Variants in DOCK1 observed in about 807,000 individuals in gnomAD.
DOCK1 encodes dedicator of cytokinesis protein 1.
Under a neutral mutation model 262.7 loss-of-function variants are expected in DOCK1, and 138 were observed. The ratio of observed to expected loss-of-function variants is 0.53; its 90% CI spans 0.46 to 0.61. The LOEUF is 0.61. Ranked by LOEUF, DOCK1 falls within the 20% of genes least tolerant of loss-of-function variation. DOCK1 has a pLI of 0.00. For missense variants in DOCK1, 1,908 were observed against 2,370.7 expected, an observed-to-expected ratio of 0.80 and a Z score of 4.05; for synonymous variants, 866 against 867.4, an observed-to-expected ratio of 1.00 and a Z score of 0.03.
intron 49 of DOCK1, 33 bp from the exon 50 acceptor site, chr10:127,444,093 C>G: frequency 6.4e-7 from 1 of 1,550,824 alleles, no homozygotes; most frequent in Non-Finnish European, 8.7e-7. Flanking sequence ...CATAACAGAC[C>G]GTAACTGTGC....
chr10:127,091,225 C>T (rs1441257600), intron 23 of DOCK1, among the ~76,000 whole-genome samples: 1 of 152,090 alleles, frequency 6.6e-6, no homozygotes, highest in Non-Finnish European at 1.5e-5. Context: ...CCTCGCGATC[C>T]GCCCGACTTG....
intron 38 of DOCK1, among the ~76,000 whole-genome samples, chr10:127,396,806 C>T (rs904570223): frequency 1.3e-5 from 2 of 151,608 alleles, no homozygotes; most frequent in Non-Finnish European, 2.9e-5. Flanking sequence ...ATTACAAGCT[C>T]AGTGAGTAGT....
intron 27 of DOCK1, among the ~76,000 whole-genome samples, chr10:127,242,349 C>T (rs1270402228): frequency 6.6e-6 from 1 of 152,076 alleles, no homozygotes. Context: ...TTTTTGGACT[C>T]CCTGTTTTTC....
chr10:127,058,357 T>A (rs2045307811), intron 22 of DOCK1, among the ~76,000 whole-genome samples: 1 of 149,596 alleles, frequency 6.7e-6, no homozygotes, highest in Non-Finnish European at 1.5e-5. Context: ...AGTATTTGCA[T>A]GGAATACCTA....
intron 42 of DOCK1, among the ~76,000 whole-genome samples, chr10:127,410,385 C>A (rs1051464998): frequency 6.6e-6 from 1 of 152,178 alleles, no homozygotes; most frequent in Admixed American, 6.5e-5. Context: ...CCTGTGCATG[C>A]GGAAAGCCTG....
At chr10:127,039,010 C>T (rs1164471225) in intron 19 of DOCK1, among the ~76,000 whole-genome samples, 1 of 152,178 alleles carries the variant, frequency 6.6e-6, no homozygotes, top group African/African-American at 2.4e-5. Flanking sequence ...GTTCCTCACT[C>T]TCTAGGAGAG....
At chr10:127,215,570 C>A (rs552710709) in intron 27 of DOCK1, among the ~76,000 whole-genome samples, 5 of 152,300 alleles carry the variant, frequency 3.3e-5, no homozygotes, top group African/African-American at 1.2e-4. Flanking sequence ...GAACAAACAG[C>A]TCTGCCTTGT....
At chr10:127,298,429 C>T (rs1323292089) in intron 29 of DOCK1, among the ~76,000 whole-genome samples, 1 of 152,176 alleles carries the variant, frequency 6.6e-6, no homozygotes, top group Non-Finnish European at 1.5e-5. Flanking sequence ...TGTTAAATTA[C>T]TGCTCCTGGT....
intron 23 of DOCK1, among the ~76,000 whole-genome samples, chr10:127,077,663 T>C (rs2046650589): frequency 6.6e-6 from 1 of 152,052 alleles, no homozygotes; most frequent in South Asian, 2.1e-4. Flanking sequence ...CAGTGGAAGA[T>C]GTTGGATTCT....
chr10:127,227,176 C>T (rs1458389671), intron 27 of DOCK1, among the ~76,000 whole-genome samples: 1 of 152,192 alleles, frequency 6.6e-6, no homozygotes, highest in Non-Finnish European at 1.5e-5. Context: ...CAGCCCTGTT[C>T]CTCACCTGAT....
chr10:126,954,410 T>C (rs1302698025), intron 1 of DOCK1, among the ~76,000 whole-genome samples: 1 of 152,246 alleles, frequency 6.6e-6, no homozygotes, highest in Non-Finnish European at 1.5e-5. Flanking sequence ...TTTTTCTATT[T>C]TCTTTATTGT....
Position 127,176,229 on chromosome 10 carries a change from TGTGCC to T in DOCK1, c.2847+48466_2847+48470del. On this transcript the variant is annotated intron_variant, in intron 27 of 51. Coordinates refer to ENST00000623213, the MANE Select transcript of DOCK1 (RefSeq NM_001290223.2). This position sits in a 1 kb window ranked among gnomAD's most constrained non-coding sequence, Gnocchi z 4.4. ...CAGCTGTGTGTCCCTCTGCTCATTC[TGTGCC>T]TCGCAGATATCCTTAAACCGCACCT... The T allele has an allele frequency of 6.2e-7, 1 of 1,614,196 alleles. No homozygotes were observed. Among genetic ancestry groups the T allele is most frequent in the Non-Finnish European group, 8.5e-7 (1 of 1,180,032 alleles).
chr10:127,158,254 A>G lies in DOCK1; in HGVS notation c.2847+30490A>G, dbSNP rs572863115. 6.7e-4 allele frequency among the ~76,000 whole-genome samples: 102 copies of G among 152,356 alleles called. 1 individual carries two copies. Among genetic ancestry groups the G allele is most frequent in the Non-Finnish European group, 1.1e-3 (72 of 68,036 alleles). On this transcript the variant is annotated intron_variant, in intron 27 of 51. Coordinates refer to ENST00000623213, the MANE Select transcript of DOCK1 (RefSeq NM_001290223.2). ...AAAACAGTACTTTGAATGATTCTCT[A>G]TATTGCCATTGCCATAAGGAAGAAC...
At chr10:127,080,266 T>C (rs2046824634) in intron 23 of DOCK1, among the ~76,000 whole-genome samples, 2 of 152,166 alleles carry the variant, frequency 1.3e-5, no homozygotes, top group Non-Finnish European at 2.9e-5. Context: ...CAAGTCTCCC[T>C]CTGGATGAGA....
chr10:127,078,092 T>C (rs1371689672), intron 23 of DOCK1, among the ~76,000 whole-genome samples: 1 of 152,160 alleles, frequency 6.6e-6, no homozygotes, highest in African/African-American at 2.4e-5. Context: ...GATCCTGAGC[T>C]GACACACTGG....
chr10:127,202,513 G>T (rs1312325123), intron 27 of DOCK1, among the ~76,000 whole-genome samples: 3 of 152,146 alleles, frequency 2.0e-5, no homozygotes, highest in Non-Finnish European at 2.9e-5. Context: ...CAGCTGGGGG[G>T]TGTAGGAACT....
chr10:127,108,070 C>T (rs1412100660), intron 24 of DOCK1, among the ~76,000 whole-genome samples: 1 of 152,238 alleles, frequency 6.6e-6, no homozygotes, highest in Admixed American at 6.5e-5. Context: ...TGGCCTCTCT[C>T]AGATTTGTGC....
chr10:127,008,677 TTC>T, intron 10 of DOCK1, 53 bp from the exon 11 acceptor site: 1 of 1,415,914 alleles, frequency 7.1e-7, no homozygotes, highest in Non-Finnish European at 9.8e-7. Context: ...TTTGTTTGTG[TTC>T]TGTGATTATA....
At chr10:127,075,786 G>A (rs1022381930) in intron 23 of DOCK1, among the ~76,000 whole-genome samples, 2 of 152,136 alleles carry the variant, frequency 1.3e-5, no homozygotes, top group Non-Finnish European at 2.9e-5. Flanking sequence ...CCGCTCACCC[G>A]ACACGTGGGG....
Sources: allele counts gnomAD v4.1 joint callset (sites outside exome capture counted in the v4.1 genomes callset), GRCh38; gene constraint gnomAD v4.1.1; non-coding constraint Gnocchi (gnomAD v3.1); transcripts MANE v1.5; gene names NCBI Gene and HGNC (gene_info 2026-07-23, HGNC 2026-07-21).